The following GRIA2 variants were observed in gnomAD, a reference collection of about 807,000 sequenced individuals.
GRIA2 encodes the protein glutamate receptor 2.
Under a neutral mutation model 97.3 loss-of-function variants are expected in GRIA2, and 14 were observed. The ratio of observed to expected loss-of-function variants is 0.14; its 90% confidence interval spans 0.10 to 0.23. The LOEUF is 0.23. Ranked by LOEUF, GRIA2 falls within the 10% of genes least tolerant of loss-of-function variation. GRIA2 has a pLI of 1.00. For missense variants in GRIA2, 558 were observed against 1,069.8 expected, an observed-to-expected ratio of 0.52 and a Z score of 6.67; for synonymous variants, 412 against 387.8, an observed-to-expected ratio of 1.06 and a Z score of -0.73.
chr4:157,280,967 C>A (rs1462880862), intron 2 of GRIA2, among the ~76,000 whole-genome samples: 1 of 151,946 alleles, frequency 6.6e-6, no homozygotes, highest in African/African-American at 2.4e-5. Context: ...AAATCTCATT[C>A]AATTAACAGT....
intron 12 of GRIA2, among the ~76,000 whole-genome samples, chr4:157,345,264 A>G (rs1735718118): frequency 6.6e-6 from 1 of 152,036 alleles, no homozygotes; most frequent in African/African-American, 2.4e-5. Flanking sequence ...TTTGCTTGAA[A>G]GAGAGAGTAA....
At chr4:157,282,652 G>C (rs914433067) in intron 2 of GRIA2, among the ~76,000 whole-genome samples, 3 of 152,052 alleles carry the variant, frequency 2.0e-5, no homozygotes, top group South Asian at 2.1e-4. Context: ...TCCTGTGCCA[G>C]TTTGGTAGTA....
chr4:157,222,501 G>T (rs1326400331), intron 2 of GRIA2, among the ~76,000 whole-genome samples: 2 of 152,180 alleles, frequency 1.3e-5, no homozygotes, highest in Non-Finnish European at 1.5e-5. Flanking sequence ...GGTGGAAAGG[G>T]GGAGCGCTGT....
chr4:157,269,577 C>G (rs1235752792), intron 2 of GRIA2, among the ~76,000 whole-genome samples: 3 of 152,056 alleles, frequency 2.0e-5, no homozygotes, highest in African/African-American at 2.4e-5. Flanking sequence ...TGTTCATCAT[C>G]ATCACCACTG....
At chr4:157,355,793 G>T (rs1334852364) in intron 12 of GRIA2, among the ~76,000 whole-genome samples, 52 of 55,682 alleles carry the variant, frequency 9.3e-4, no homozygotes, top group South Asian at 2.3e-3. Context: ...ATATATATTA[G>T]TTATATATAT....
At chr4:157,313,259 T>C (rs1201654201) in intron 4 of GRIA2, among the ~76,000 whole-genome samples, 1 of 152,084 alleles carries the variant, frequency 6.6e-6, no homozygotes, top group African/African-American at 2.4e-5. Flanking sequence ...GAAAAGTGAG[T>C]AATTCATGAA....
Position 157,365,460 on chromosome 4 carries a change from A to G in GRIA2, c.*2029A>G, listed in dbSNP as rs1340486781. 6.6e-6 allele frequency: 1 copy of G among 152,038 alleles called. No individual in the cohort carries two copies. Among genetic ancestry groups the G allele is most frequent in the East Asian group, 1.9e-4 (1 of 5,170 alleles). The allele number at this position is 152,038 out of a possible 1,614,324, so 9.4% of individuals were successfully genotyped here. A position where few individuals can be genotyped will look rare whatever the true frequency, so the allele number is the denominator to read the frequency against. ...ATTGTACCTCTGGGCCTACTCTTCT[A>G]AAAATTGTAGCTTATCGATTTTTCT... On this transcript the variant is annotated 3_prime_UTR_variant, in exon 16 of 16. Transcript: ENST00000264426.
intron 2 of GRIA2, among the ~76,000 whole-genome samples, chr4:157,259,649 A>G (rs1231262940): frequency 1.3e-5 from 2 of 152,120 alleles, no homozygotes; most frequent in African/African-American, 4.8e-5. Context: ...CTTTCGTTCT[A>G]TATAATCCTC....
chr4:157,356,731 A>G (rs1736397058), intron 12 of GRIA2, among the ~76,000 whole-genome samples: 2 of 152,152 alleles, frequency 1.3e-5, no homozygotes, highest in South Asian at 4.1e-4. Context: ...TTAGTTGACC[A>G]CATGGTATTA....
chr4:157,234,449 T>C (rs535009027), intron 2 of GRIA2, among the ~76,000 whole-genome samples: 1 of 152,226 alleles, frequency 6.6e-6, no homozygotes, highest in East Asian at 1.9e-4. Flanking sequence ...TTTTGATGTG[T>C]TCTTGATCCA....
chr4:157,302,433 A>G (rs997184139), intron 2 of GRIA2, among the ~76,000 whole-genome samples: 2 of 152,148 alleles, frequency 1.3e-5, no homozygotes, highest in Admixed American at 1.3e-4. Context: ...AAGATAAGCC[A>G]TATTACTTTT....
At chr4:157,305,000 G>A (rs1360173674) in intron 3 of GRIA2, among the ~76,000 whole-genome samples, 1 of 152,130 alleles carries the variant, frequency 6.6e-6, no homozygotes, top group African/African-American at 2.4e-5. Flanking sequence ...CCCCTGCTTT[G>A]AGAAGGGAGT....
intron 2 of GRIA2, among the ~76,000 whole-genome samples, chr4:157,224,757 C>G (rs561327632): frequency 2.0e-5 from 3 of 152,042 alleles, no homozygotes; most frequent in Non-Finnish European, 4.4e-5. Context: ...GTTTTCTTGC[C>G]TTTTTATTCA....
intron 11 of GRIA2, among the ~76,000 whole-genome samples, chr4:157,339,696 C>CT (rs1274983697): frequency 1.3e-5 from 2 of 151,778 alleles, no homozygotes; most frequent in African/African-American, 4.8e-5. Context: ...GAGTCAAAAG[C>CT]AATTACCATG....
intron 12 of GRIA2, among the ~76,000 whole-genome samples, chr4:157,344,368 G>C (rs1735678720): frequency 6.6e-6 from 1 of 151,902 alleles, no homozygotes; most frequent in Non-Finnish European, 1.5e-5. Context: ...AGGAATTTTG[G>C]GGCTTCTGTG....
At position 157,365,355 on chromosome 4, in the gene GRIA2, A is replaced by G. The variant is rs2127010561; in HGVS notation, c.*1924A>G. ...ATAAGTGCTAGAATGACCAAATTGC[A>G]GACTAATTGTTTCCATATTGTACTT... On this transcript the variant is annotated 3_prime_UTR_variant, in exon 16 of 16. Coordinates refer to ENST00000264426, the MANE Select transcript of GRIA2 (RefSeq NM_001083619.3). 6.6e-6 allele frequency: 1 copy of G among 152,166 alleles called. No individual in the cohort carries two copies. Among genetic ancestry groups the G allele is most frequent in the South Asian group, 2.1e-4 (1 of 4,818 alleles). The allele number at this position is 152,166 out of a possible 1,614,324, so 9.4% of individuals were successfully genotyped here. A position where few individuals can be genotyped will look rare whatever the true frequency, so the allele number is the denominator to read the frequency against.
At chr4:157,327,498 G>T (rs371552340) in intron 6 of GRIA2, among the ~76,000 whole-genome samples, 256 of 152,096 alleles carry the variant, frequency 1.7e-3, no homozygotes, top group African/African-American at 5.9e-3. Context: ...TTCCTTAAAA[G>T]TAATTTTTTT....
rs577177633 is a variant in GRIA2, at chr4:157,365,930, T to C, written c.*2499T>C. On this transcript the variant is annotated 3_prime_UTR_variant, in exon 16 of 16. Coordinates refer to ENST00000264426, the MANE Select transcript of GRIA2 (RefSeq NM_001083619.3). ...AGACATACACTTTCTATAACTTCTA[T>C]TGAAGATATTGGAATTTCCAATTTT... 2.3e-4 allele frequency: 35 copies of C among 151,784 alleles called. No individual in the cohort carries two copies. The highest frequency in any genetic ancestry group is 7.0e-4 in the African/African-American group (29 of 41,498). The allele number at this position is 151,784 out of a possible 1,614,324, so 9.4% of individuals were successfully genotyped here.
chr4:157,262,589 C>T (rs1199913936), intron 2 of GRIA2, among the ~76,000 whole-genome samples: 1 of 152,048 alleles, frequency 6.6e-6, no homozygotes, highest in Non-Finnish European at 1.5e-5. Context: ...TCTAGCTTTC[C>T]TCTAAGCCTT....
Sources: gnomAD v4.1 joint callset for allele counts (sites outside exome capture counted in the v4.1 genomes callset) on GRCh38, gnomAD v4.1.1 for gene constraint, MANE v1.5 for transcripts, NCBI Gene and HGNC (gene_info 2026-07-23, HGNC 2026-07-21) for gene names.